The following TCF12 variants were observed in gnomAD, a reference collection of about 807,000 sequenced individuals.
TCF12 encodes the protein DNA-binding protein HTF4.
A neutral mutation model predicts 86.0 loss-of-function variants in TCF12; 45 were observed. The ratio of observed to expected loss-of-function variants is 0.52; its 90% confidence interval spans 0.41 to 0.67. The LOEUF is 0.67. Among genes scored for constraint, TCF12 ranks in the 30% least tolerant of loss-of-function variants. TCF12 has a pLI of 0.00. For synonymous variants in TCF12, 330 were observed against 299.6 expected, an observed-to-expected ratio of 1.10 and a Z score of -1.05; for missense variants, 881 against 859.9, an observed-to-expected ratio of 1.02 and a Z score of -0.31.
intron 3 of TCF12, among the ~76,000 whole-genome samples, chr15:56,961,936 A>T (rs553346645): frequency 9.5e-4 from 144 of 151,850 alleles, no homozygotes; most frequent in Admixed American, 3.3e-3. Context: ...AGGTCAGGAG[A>T]TCGAGACCAC....
At chr15:57,226,166 C>G (rs1428442020) in intron 8 of TCF12, among the ~76,000 whole-genome samples, 4 of 149,824 alleles carry the variant, frequency 2.7e-5, no homozygotes, top group African/African-American at 9.8e-5. Context: ...AGGGTTTGAC[C>G]TGGGTTGGGA....
chr15:56,946,869 C>G (rs140121015), intron 3 of TCF12, among the ~76,000 whole-genome samples: 1 of 145,166 alleles, frequency 6.9e-6, no homozygotes, highest in African/African-American at 2.5e-5. Flanking sequence ...ATGATCTCAG[C>G]TCACTGCAAC....
intron 3 of TCF12, among the ~76,000 whole-genome samples, chr15:56,957,576 C>T (rs1220665824): frequency 6.6e-6 from 1 of 152,066 alleles, no homozygotes; most frequent in African/African-American, 2.4e-5. Context: ...CTTTTTATAT[C>T]TTCTATGTCT....
rs1279205450 is a variant in TCF12 at position 56,919,757 on chromosome 15, G to A, written c.-22-135G>A. ...CCCGCCCCTTGCTCGCGCCGCGGTG[G>A]GAGCGAGTCGGGGTCCTGGAAGTCA... On this transcript the variant is annotated intron_variant, in intron 1 of 20. Coordinates refer to ENST00000333725, the MANE Select transcript of TCF12 (RefSeq NM_207037.2). 7.3e-6 allele frequency: 5 copies of A among 684,040 alleles called. No homozygotes were observed. The East Asian group carries it at 1.2e-4, about 17-fold the overall frequency. 42.4% of individuals were successfully genotyped at this position (684,040 alleles called of 1,614,324 possible).
At chr15:56,962,707 T>C (rs1396745362) in intron 3 of TCF12, among the ~76,000 whole-genome samples, 1 of 152,218 alleles carries the variant, frequency 6.6e-6, no homozygotes, top group Non-Finnish European at 1.5e-5. Context: ...CTAGATCATC[T>C]CTTAAGTTAC....
chr15:56,974,624 C>G (rs2062510415), intron 3 of TCF12, among the ~76,000 whole-genome samples: 1 of 151,968 alleles, frequency 6.6e-6, no homozygotes, highest in Non-Finnish European at 1.5e-5. Flanking sequence ...TACAACAATC[C>G]TGCTTTAATA....
chr15:56,928,540 T>C (rs2060113654), intron 3 of TCF12, among the ~76,000 whole-genome samples: 1 of 152,204 alleles, frequency 6.6e-6, no homozygotes, highest in African/African-American at 2.4e-5. Context: ...TTTAGTGCCA[T>C]AAAATTGTGT....
rs778545170 is a variant in TCF12 at position 57,075,835 on chromosome 15, T to TCTTTTCTTTC, written c.222+12012_222+12013insCTTTTCTTTC. ...CTCTCTCTCTCTCTCTCTCTCTCTC[T>TCTTTTCTTTC]TTTCTTTCTTTCTTTCTTTCTTTCT... is the stretch of plus-strand genomic sequence containing the variant. On this transcript the variant is annotated intron_variant, in intron 4 of 20. Coordinates refer to ENST00000333725, the MANE Select transcript of TCF12 (RefSeq NM_207037.2). 3.8e-4 allele frequency among the ~76,000 whole-genome samples: 19 copies of TCTTTTCTTTC among 50,016 alleles called. 1 individual carries two copies. Among genetic ancestry groups the TCTTTTCTTTC allele is most frequent in the African/African-American group, 1.6e-3 (17 of 10,346 alleles). The allele number at this position is 50,016 out of a possible 152,430, so 32.8% of individuals were successfully genotyped here. A position where few individuals can be genotyped will look rare whatever the true frequency, so the allele number is the denominator to read the frequency against.
At chr15:57,204,439 G>A (rs751442632) in intron 8 of TCF12, among the ~76,000 whole-genome samples, 1 of 152,014 alleles carries the variant, frequency 6.6e-6, no homozygotes, top group Non-Finnish European at 1.5e-5. Flanking sequence ...CTGGGTGACA[G>A]AGCCAAGACT....
At chr15:57,263,065 A>C (rs1488559273) in intron 17 of TCF12, 47 bp from the exon 18 acceptor site, 7 of 1,564,010 alleles carry the variant, frequency 4.5e-6, no homozygotes, top group Non-Finnish European at 6.0e-6. Context: ...TGTAATTCAT[A>C]TATGAGTCTC....
chr15:57,171,249 T>A (rs1350048812), intron 6 of TCF12, among the ~76,000 whole-genome samples: 2 of 151,784 alleles, frequency 1.3e-5, no homozygotes, highest in Admixed American at 6.6e-5. Context: ...TTTTAAGAAT[T>A]CATAGGAGCA....
chr15:57,101,977 A>G (rs1490992371), intron 5 of TCF12, among the ~76,000 whole-genome samples: 3 of 152,228 alleles, frequency 2.0e-5, no homozygotes, highest in Non-Finnish European at 4.4e-5. Flanking sequence ...CAGATAGTAA[A>G]TAGTCTAAGG....
rs541912736 is a variant in TCF12 at position 57,121,088 on chromosome 15, C to G, written c.325+29197C>G. ...GTTTTATGGATATCTGTTTTTGAAA[C>G]TGAAAGAAGTAGCATTTTGGCATGA... On this transcript the variant is annotated intron_variant, in intron 5 of 20. Transcript: ENST00000333725. 1.3e-4 allele frequency among the ~76,000 whole-genome samples: 20 copies of G among 152,262 alleles called. 1 individual carries two copies. Among genetic ancestry groups the G allele is most frequent in the African/African-American group, 4.6e-4 (19 of 41,550 alleles).
downstream of TCF12, chr15:57,290,908 C>T (rs1404760258): frequency 6.6e-6 from 1 of 152,154 alleles, no homozygotes; most frequent in African/African-American, 2.4e-5. Flanking sequence ...CAAAATAAAA[C>T]CAAAGGGTCT....
chr15:57,195,152 C>G (rs757057325), intron 7 of TCF12, among the ~76,000 whole-genome samples: 51 of 152,216 alleles, frequency 3.4e-4, no homozygotes, highest in Non-Finnish European at 6.5e-4. Context: ...GTCCTCCTGC[C>G]TTGGCCTCCC....
chr15:57,056,116 GGTGTGTGT>G lies in TCF12; in HGVS notation c.149-7603_149-7596del, dbSNP rs137934114. On this transcript the variant is annotated intron_variant, in intron 3 of 20. Coordinates refer to ENST00000333725, the MANE Select transcript of TCF12 (RefSeq NM_207037.2). ...TAAATTTCAGATACTTAGTTTTAGG[GGTGTGTGT>G]GTGTGTGTGTGTGTGTGTGTGTGTG... 2.0e-3 allele frequency among the ~76,000 whole-genome samples: 282 copies of G among 143,286 alleles called. 1 individual carries two copies. Among genetic ancestry groups the G allele is most frequent in the Admixed American group, 3.0e-3 (43 of 14,536 alleles). 94.0% of individuals were successfully genotyped at this position (143,286 alleles called of 152,430 possible). A position where few individuals can be genotyped will look rare whatever the true frequency, so the allele number is the denominator to read the frequency against.
intron 3 of TCF12, among the ~76,000 whole-genome samples, chr15:56,963,701 GATGC>G (rs2140616837): frequency 6.6e-6 from 1 of 152,258 alleles, no homozygotes; most frequent in African/African-American, 2.4e-5. Flanking sequence ...CACCCTTTTG[GATGC>G]ACCTACTTAT....
intron 3 of TCF12, among the ~76,000 whole-genome samples, chr15:56,945,424 T>C (rs1319462839): frequency 6.6e-6 from 1 of 152,170 alleles, no homozygotes; most frequent in African/African-American, 2.4e-5. Flanking sequence ...ACATTTTTTA[T>C]AGTGCAGGAC....
intron 3 of TCF12, among the ~76,000 whole-genome samples, chr15:56,975,404 A>G (rs2062547726): frequency 6.6e-6 from 1 of 152,160 alleles, no homozygotes; most frequent in Admixed American, 6.5e-5. Flanking sequence ...ATACAATGGC[A>G]TTCCTGTACT....
Sources: gnomAD v4.1 joint callset for allele counts (sites outside exome capture counted in the v4.1 genomes callset) on GRCh38, gnomAD v4.1.1 for gene constraint, MANE v1.5 for transcripts, NCBI Gene and HGNC (gene_info 2026-07-23, HGNC 2026-07-21) for gene names.